SRPK2: variants seen among roughly 807,000 people sequenced by gnomAD.
The protein encoded by SRPK2 is SRSF protein kinase 2, also known as SFRS protein kinase 2.
Under a neutral mutation model 90.8 loss-of-function variants are expected in SRPK2, and 21 were observed. The ratio of observed to expected loss-of-function variants is 0.23; its 90% CI spans 0.16 to 0.33. SRPK2 has a LOEUF of 0.33. Among genes scored for constraint, SRPK2 ranks in the 10% least tolerant of loss-of-function variants. The pLI, the probability that SRPK2 is intolerant of heterozygous loss-of-function variation, is 1.00. For missense variants in SRPK2, 620 were observed against 869.0 expected (o/e 0.71, Z 3.60); for synonymous variants, 288 against 311.1 (o/e 0.93, Z 0.78).
Position 105,132,833 on chromosome 7 carries a change from C to A in SRPK2, c.1710G>T (p.Ala570=). The A allele has an allele frequency of 1.2e-6, 2 of 1,610,312 alleles. No individual in the cohort carries two copies. The highest frequency in any genetic ancestry group is 4.5e-5 in the East Asian group (2 of 44,638). Residue 570 remains alanine, a synonymous_variant, in exon 13 of 16, where the codon GCG becomes GCT. Coordinates refer to ENST00000393651, the MANE Select transcript of SRPK2 (RefSeq NM_182692.3). ...AGATGTCCGCAGGGGTGCTGTACCC[C>A]GCTCCTATTAAAACCTCTATGGAGC... The part of the protein sequence containing the change: ...QYRSIEVLIG[A]GYSTPADIWS...
Position 105,143,097 on chromosome 7 carries a change from A to G in SRPK2, c.1047T>C (p.Thr349=), listed in dbSNP as rs769004442. 5 of 1,614,062 alleles carry G rather than the reference A, an allele frequency of 3.1e-6. No individual in the cohort carries two copies. The highest frequency in any genetic ancestry group is 4.2e-6 in the Non-Finnish European group (5 of 1,179,944). The change falls in exon 10 of 16, where the codon ACT becomes ACC. Residue 349 remains threonine, a synonymous_variant. Coordinates refer to ENST00000393651, the MANE Select transcript of SRPK2 (RefSeq NM_182692.3). ...GGCCCCACTGACCATTGTCCTTTGC[A>G]GTCTCTGCCTCAGCCGCCTCCTCTA... The part of the protein sequence containing the change: ...TGLEEAAEAE[T]AKDNGEAEDQ...
chr7:105,276,214 A>C (rs1806471258), intron 2 of SRPK2, among the ~76,000 whole-genome samples: 1 of 151,574 alleles, frequency 6.6e-6, no homozygotes, highest in Non-Finnish European at 1.5e-5. Flanking sequence ...CTGAGTAGTT[A>C]CAACTACAGA....
upstream of SRPK2, chr7:105,389,017 G>C (rs1822023147): frequency 6.1e-6 from 6 of 976,926 alleles, no homozygotes; most frequent in Non-Finnish European, 7.2e-6. Context: ...CGGCCCCGGG[G>C]GTCGGGACCC....
In SRPK2 at chr7:105,216,851, G is replaced by A. The variant is rs1036870243; in HGVS notation, c.72-13066C>T. On this transcript the variant is annotated intron_variant, in intron 2 of 15. Coordinates refer to ENST00000393651, the MANE Select transcript of SRPK2 (RefSeq NM_182692.3). ...TGTTCCATCACTTACCAATCCATGAGAACTCAAGCCAGTGACCATTTCTCT... is the reference window on the plus strand; with the variant it reads ...TGTTCCATCACTTACCAATCCATGAAAACTCAAGCCAGTGACCATTTCTCT... 4.1e-4 allele frequency among the ~76,000 whole-genome samples: 62 copies of A among 152,126 alleles called. 1 individual carries two copies. The highest frequency in any genetic ancestry group is 1.5e-3 in the African/African-American group (61 of 41,418).
chr7:105,164,651 T>C (rs1808243358), intron 6 of SRPK2, among the ~76,000 whole-genome samples: 1 of 152,222 alleles, frequency 6.6e-6, no homozygotes, highest in African/African-American at 2.4e-5. Flanking sequence ...ATTTTTGTCT[T>C]TTAATCTAGT....
intron 11 of SRPK2, among the ~76,000 whole-genome samples, chr7:105,136,796 G>A (rs1258962058): frequency 6.6e-6 from 1 of 152,166 alleles, no homozygotes; most frequent in African/African-American, 2.4e-5. Flanking sequence ...GGAAGTAGTG[G>A]AACTAAGAGA....
intron 2 of SRPK2, among the ~76,000 whole-genome samples, chr7:105,356,614 G>C (rs1253244060): frequency 6.6e-6 from 1 of 151,808 alleles, no homozygotes; most frequent in Non-Finnish European, 1.5e-5. Flanking sequence ...TGATAGTTTG[G>C]GGCAAAAAAA....
rs1262705006 is a variant in SRPK2, at chr7:105,342,360, TAAATA to T, written c.71+46283_71+46287del. Among the ~76,000 whole-genome samples the T allele has an allele frequency of 2.6e-3, 388 of 149,942 alleles. 3 individuals carry two copies. Among genetic ancestry groups the T allele is most frequent in the African/African-American group, 9.1e-3 (373 of 41,160 alleles). ...TAATAATAATATTAATAATAATAATTAAATAAAATAAAAATATAAATGGGAAATGT... is the reference window on the plus strand; with the variant it reads ...TAATAATAATATTAATAATAATAATTAAATAAAAATATAAATGGGAAATGT... On this transcript the variant is annotated intron_variant, in intron 2 of 15. Transcript: ENST00000393651.
intron 2 of SRPK2, 96 bp downstream of exon 2, chr7:105,388,552 C>G: frequency 8.7e-7 from 1 of 1,154,164 alleles, no homozygotes. Context: ...AGCCCGCCCG[C>G]CGGCCCGGGG....
intron 2 of SRPK2, chr7:105,301,923 C>T (rs1810598294): frequency 1.9e-6 from 3 of 1,609,050 alleles, no homozygotes; most frequent in Non-Finnish European, 2.5e-6. Context: ...ACTCCTAATA[C>T]AGCCCCATCA....
intron 3 of SRPK2, among the ~76,000 whole-genome samples, chr7:105,202,104 T>C (rs1329422535): frequency 6.6e-6 from 1 of 152,252 alleles, no homozygotes; most frequent in African/African-American, 2.4e-5. Context: ...AAGTAAGATC[T>C]ACACTCTTTT....
chr7:105,279,024 T>C (rs957744419), intron 2 of SRPK2, among the ~76,000 whole-genome samples: 2 of 152,176 alleles, frequency 1.3e-5, no homozygotes, highest in Non-Finnish European at 2.9e-5. Flanking sequence ...ACTTTCAGAT[T>C]GTGATTTCAT....
At chr7:105,159,652 C>T (rs1807264475) in intron 7 of SRPK2, among the ~76,000 whole-genome samples, 1 of 151,998 alleles carries the variant, frequency 6.6e-6, no homozygotes, top group Non-Finnish European at 1.5e-5. Context: ...GCAAACACTG[C>T]TAATTAGGAG....
At chr7:105,125,962 A>G in intron 15 of SRPK2, 1 of 725,820 alleles carries the variant, frequency 1.4e-6, no homozygotes, top group South Asian at 1.8e-5. Flanking sequence ...GCCCGCGCAG[A>G]CAGAAACAGA....
At chr7:105,188,511 G>A (rs926804943) in intron 3 of SRPK2, among the ~76,000 whole-genome samples, 2 of 152,160 alleles carry the variant, frequency 1.3e-5, no homozygotes, top group African/African-American at 4.8e-5. Context: ...TTTTTAAAAT[G>A]TATGAGGGAA....
At chr7:105,344,407 CTTTTTTTTTTTTTTT>C (rs1178845367) in intron 2 of SRPK2, among the ~76,000 whole-genome samples, 4 of 58,458 alleles carry the variant, frequency 6.8e-5, no homozygotes, top group East Asian at 9.0e-4. Flanking sequence ...GCAGCCACAC[CTTTTTTTTTTTTTTT>C]TTTTTTTTTT....
chr7:105,379,686 C>T (rs974273539), intron 2 of SRPK2, among the ~76,000 whole-genome samples: 2 of 152,020 alleles, frequency 1.3e-5, no homozygotes, highest in African/African-American at 2.4e-5. Context: ...ACAATTAAGA[C>T]GAATGCACTG....
intron 2 of SRPK2, among the ~76,000 whole-genome samples, chr7:105,379,462 T>C (rs1030139332): frequency 3.3e-5 from 5 of 152,174 alleles, no homozygotes; most frequent in Non-Finnish European, 5.9e-5. Context: ...GAGGGATGAC[T>C]GTATATTCTA....
At chr7:105,331,329 A>AAAC (rs1814349610) in intron 2 of SRPK2, among the ~76,000 whole-genome samples, 8 of 145,352 alleles carry the variant, frequency 5.5e-5, no homozygotes, top group Non-Finnish European at 1.1e-4. Context: ...AAAAAAAAAA[A>AAAC]AAAAAAAACA....
Sources: allele counts gnomAD v4.1 joint callset (sites outside exome capture counted in the v4.1 genomes callset), GRCh38; gene constraint gnomAD v4.1.1; transcripts MANE v1.5; gene names NCBI Gene and HGNC (gene_info 2026-07-23, HGNC 2026-07-21).